The following CAMK2D variants were observed in gnomAD, a reference collection of about 807,000 sequenced individuals.
CAMK2D encodes the protein calcium/calmodulin-dependent protein kinase type II subunit delta.
Under a neutral mutation model 84.0 loss-of-function variants are expected in CAMK2D, and 37 were observed. That is an observed-to-expected ratio of 0.44 (90% CI 0.34 to 0.58). The LOEUF (loss-of-function observed/expected upper bound fraction) is 0.58. Among genes scored for constraint, CAMK2D ranks in the 20% least tolerant of loss-of-function variants. The pLI is 0.02. For synonymous variants in CAMK2D, 202 were observed against 212.5 expected (o/e 0.95, Z 0.43); for missense variants, 448 against 652.5 (o/e 0.69, Z 3.41).
At chr4:113,574,521 C>T (rs2098770906) in intron 4 of CAMK2D, among the ~76,000 whole-genome samples, 1 of 152,182 alleles carries the variant, frequency 6.6e-6, no homozygotes, top group Admixed American at 6.5e-5. Context: ...ACCCAAAAGC[C>T]TGATTCCTCA....
intron 3 of CAMK2D, among the ~76,000 whole-genome samples, chr4:113,621,178 T>C (rs1314624269): frequency 1.3e-5 from 2 of 152,218 alleles, no homozygotes; most frequent in African/African-American, 4.8e-5. Flanking sequence ...ATTTATAGCA[T>C]CTGAATTATT....
intron 2 of CAMK2D, among the ~76,000 whole-genome samples, chr4:113,709,811 C>A: frequency 9.0e-6 from 1 of 111,328 alleles, no homozygotes; most frequent in Non-Finnish European, 1.7e-5. Flanking sequence ...TATTAATGCC[C>A]CAGAAAATAA....
At chr4:113,585,707 T>TTAGTATATCATATAGTATAGATATCATA (rs1172192397) in intron 4 of CAMK2D, among the ~76,000 whole-genome samples, 2 of 140,346 alleles carry the variant, frequency 1.4e-5, no homozygotes, top group African/African-American at 5.2e-5. Flanking sequence ...TATATATAGA[T>TTAGTATATCATATAGTATAGATATCATA]TAGTATATCA....
intron 16 of CAMK2D, among the ~76,000 whole-genome samples, chr4:113,481,887 A>C (rs1476883087): frequency 6.6e-6 from 1 of 152,242 alleles, no homozygotes; most frequent in East Asian, 1.9e-4. Flanking sequence ...GCCACATGGA[A>C]ATGTGTATCA....
chr4:113,679,335 C>A (rs928762176), intron 2 of CAMK2D: 1 of 276,936 alleles, frequency 3.6e-6, no homozygotes, highest in African/African-American at 2.3e-5. Flanking sequence ...TACTAATACA[C>A]GTATGTCAAA....
intron 4 of CAMK2D, among the ~76,000 whole-genome samples, chr4:113,597,476 G>C (rs2098932546): frequency 1.3e-5 from 2 of 152,146 alleles, no homozygotes. Flanking sequence ...CTATTCTTCT[G>C]CAGCTTTCTC....
chr4:113,475,466 T>C (rs1410412443), intron 16 of CAMK2D, among the ~76,000 whole-genome samples: 5 of 152,236 alleles, frequency 3.3e-5, no homozygotes, highest in African/African-American at 9.6e-5. Context: ...TCCATAATTA[T>C]TGAACTCCAA....
intron 2 of CAMK2D, among the ~76,000 whole-genome samples, chr4:113,731,732 C>T (rs568524105): frequency 2.6e-5 from 4 of 151,890 alleles, no homozygotes; most frequent in Non-Finnish European, 4.4e-5. Flanking sequence ...ACTACAGGCG[C>T]GCGCCACTAT....
At chr4:113,679,903 AC>A (rs1342430128) in intron 2 of CAMK2D, among the ~76,000 whole-genome samples, 1 of 152,224 alleles carries the variant, frequency 6.6e-6, no homozygotes, top group Non-Finnish European at 1.5e-5. Context: ...AAGAAAAGTT[AC>A]CTAAAGTGAC....
At chr4:113,653,259 C>A (rs1302563870) in intron 3 of CAMK2D, among the ~76,000 whole-genome samples, 1 of 151,964 alleles carries the variant, frequency 6.6e-6, no homozygotes, top group Non-Finnish European at 1.5e-5. Context: ...CTAGTTCTCA[C>A]ATTTATTAAA....
intron 5 of CAMK2D, chr4:113,548,650 T>C (rs771756518): frequency 7.0e-7 from 1 of 1,423,606 alleles, no homozygotes; most frequent in African/African-American, 1.4e-5. Flanking sequence ...GGACTCCATA[T>C]ACTGACCTTC....
chr4:113,506,622 G>A lies in CAMK2D; in HGVS notation c.985-1587C>T, dbSNP rs927802132. On this transcript the variant is annotated intron_variant, in intron 13 of 20. Transcript: ENST00000511664. ...TGCACACACGAATAATTTCCTATTC[G>A]GGAAACATGCTAGGCAAAACATAGC... is the stretch of plus-strand genomic sequence containing the variant. 8.5e-5 allele frequency among the ~76,000 whole-genome samples: 13 copies of A among 152,140 alleles called. No individual in the cohort carries two copies. The East Asian group carries it at 1.3e-3, about 16-fold the overall frequency.
Position 113,461,974 on chromosome 4 carries a change from G to A in CAMK2D, c.1212-1733C>T, listed in dbSNP as rs78147432. ...GTGCCTTAAAGATGATGGGGGCAAGGATTACAGTAACCTTCACTTCAGATT... is the reference window on the plus strand; with the variant it reads ...GTGCCTTAAAGATGATGGGGGCAAGAATTACAGTAACCTTCACTTCAGATT... On this transcript the variant is annotated intron_variant, in intron 17 of 20. Transcript: ENST00000511664. 5.6e-3 allele frequency among the ~76,000 whole-genome samples: 854 copies of A among 152,284 alleles called. 8 individuals carry two copies. Among genetic ancestry groups the A allele is most frequent in the African/African-American group, 0.02 (824 of 41,568 alleles).
At chr4:113,690,091 C>A (rs947079116) in intron 2 of CAMK2D, among the ~76,000 whole-genome samples, 1 of 152,030 alleles carries the variant, frequency 6.6e-6, no homozygotes, top group Non-Finnish European at 1.5e-5. Flanking sequence ...CCAGATCAGG[C>A]AGGATAAAAG....
chr4:113,713,674 T>C (rs2099501914), intron 2 of CAMK2D, among the ~76,000 whole-genome samples: 1 of 151,360 alleles, frequency 6.6e-6, no homozygotes, highest in Non-Finnish European at 1.5e-5. Flanking sequence ...ATATAATTAC[T>C]GACAACTTCA....
At position 113,615,613 on chromosome 4, in the gene CAMK2D, T is replaced by G. The variant is rs192716235; in HGVS notation, c.221-6407A>C. ...ATACAGTTAATAAAATGACACCATTTGATTTTCATTTTCCCAGTATAAAAT... is the reference window on the plus strand; with the variant it reads ...ATACAGTTAATAAAATGACACCATTGGATTTTCATTTTCCCAGTATAAAAT... On this transcript the variant is annotated intron_variant, in intron 3 of 20. Coordinates refer to ENST00000511664, the MANE Select transcript of CAMK2D (RefSeq NM_001321571.2). Among the ~76,000 whole-genome samples the G allele has an allele frequency of 9.6e-3, 1,468 of 152,266 alleles. 20 individuals carry two copies. The highest frequency in any genetic ancestry group is 0.015 in the Non-Finnish European group (1,004 of 67,986).
At chr4:113,752,341 T>A (rs2099619256) in intron 2 of CAMK2D, among the ~76,000 whole-genome samples, 1 of 152,090 alleles carries the variant, frequency 6.6e-6, no homozygotes. Flanking sequence ...TAACTGTATA[T>A]AAATATTATA....
At chr4:113,730,780 C>G (rs2099566077) in intron 2 of CAMK2D, among the ~76,000 whole-genome samples, 1 of 152,224 alleles carries the variant, frequency 6.6e-6, no homozygotes, top group African/African-American at 2.4e-5. Context: ...TGGTTCAACT[C>G]ACTGACTTGA....
At chr4:113,508,410 C>A (rs945016975) in intron 13 of CAMK2D, 7 of 642,416 alleles carry the variant, frequency 1.1e-5, no homozygotes, top group South Asian at 1.8e-5. Context: ...TCTGGAAATG[C>A]GTTCTATGTA....
Sources: allele counts gnomAD v4.1 joint callset (sites outside exome capture counted in the v4.1 genomes callset), GRCh38; gene constraint gnomAD v4.1.1; transcripts MANE v1.5; gene names NCBI Gene and HGNC (gene_info 2026-07-23, HGNC 2026-07-21).